TRAF6: variants seen among roughly 807,000 people sequenced by gnomAD.
TRAF6 encodes TNF receptor associated factor 6.
In TRAF6, 10 loss-of-function variants were observed where a neutral mutation model predicts 48.4. The ratio of observed to expected loss-of-function variants is 0.21; its 90% CI spans 0.13 to 0.35. TRAF6 has a LOEUF of 0.35. Among genes scored for constraint, TRAF6 ranks in the 10% least tolerant of loss-of-function variants. The pLI is 1.00. For missense variants in TRAF6, 397 were observed against 661.0 expected, an observed-to-expected ratio of 0.60 and a Z score of 4.38; for synonymous variants, 186 against 219.6, an observed-to-expected ratio of 0.85 and a Z score of 1.35.
intron 3 of TRAF6, 149 bp from the exon 4 acceptor site, chr11:36,497,415 C>A: frequency 1.5e-6 from 1 of 676,110 alleles, no homozygotes; most frequent in Non-Finnish European, 2.2e-6. Flanking sequence ...ATATGAACGT[C>A]TTTAGCGAAT....
chr11:36,503,691 C>T (rs1859748448), intron 1 of TRAF6, among the ~76,000 whole-genome samples: 1 of 152,116 alleles, frequency 6.6e-6, no homozygotes, highest in Admixed American at 6.5e-5. Context: ...TGAAAGGAAG[C>T]AAACAATGGC....
At chr11:36,502,672 C>T (rs1041617379) in intron 1 of TRAF6, among the ~76,000 whole-genome samples, 1 of 152,138 alleles carries the variant, frequency 6.6e-6, no homozygotes, top group Non-Finnish European at 1.5e-5. Flanking sequence ...CTGAGTAGCA[C>T]TTGATGACCG....
intron 1 of TRAF6, 126 bp from the exon 2 acceptor site, chr11:36,501,663 AT>A: frequency 1.5e-6 from 1 of 682,252 alleles, no homozygotes; most frequent in Non-Finnish European, 2.2e-6. Context: ...TATTAATGTT[AT>A]TTACAGAAAA....
chr11:36,508,319 T>A (rs1564971185), intron 1 of TRAF6, among the ~76,000 whole-genome samples: 2 of 151,924 alleles, frequency 1.3e-5, no homozygotes, highest in Admixed American at 6.6e-5. Context: ...ACCTTAAAGA[T>A]TGTGGAACGT....
At chr11:36,498,941 C>T (rs1859678624) in intron 2 of TRAF6, among the ~76,000 whole-genome samples, 1 of 152,086 alleles carries the variant, frequency 6.6e-6, no homozygotes, top group African/African-American at 2.4e-5. Context: ...TTGATTGGTA[C>T]AAAATGAAGT....
intron 2 of TRAF6, among the ~76,000 whole-genome samples, chr11:36,500,714 G>T (rs575559984): frequency 6.6e-6 from 1 of 152,144 alleles, no homozygotes; most frequent in South Asian, 2.1e-4. Flanking sequence ...ACTGGATTTT[G>T]GATATATTAT....
chr11:36,487,201 G>T lies in TRAF6; in HGVS notation c.*2637C>A, dbSNP rs747233571. The T allele has an allele frequency of 1.1e-4, 16 of 152,180 alleles. No homozygotes were observed. The highest frequency in any genetic ancestry group is 2.4e-4 in the Non-Finnish European group (16 of 68,028). 9.4% of individuals were successfully genotyped at this position (152,180 alleles called of 1,614,324 possible). ...AGAATGATGCCAAAAGATAAATATG[G>T]TAAAAGGTGGTTAGTAACATACAAC... is the stretch of plus-strand genomic sequence containing the variant. On this transcript the variant is annotated 3_prime_UTR_variant, in exon 7 of 7. Coordinates refer to ENST00000526995, the MANE Select transcript of TRAF6 (RefSeq NM_004620.4).
rs756803743 is a variant in TRAF6, at chr11:36,507,982, AGTAGCTG to A, written c.-23+2059_-23+2065del. Among the ~76,000 whole-genome samples the A allele has an allele frequency of 1.7e-4, 26 of 151,474 alleles. 1 individual carries two copies. Among genetic ancestry groups the A allele is most frequent in the Non-Finnish European group, 2.7e-4 (18 of 67,832 alleles). Reference sequence around the variant, plus strand: ...GTGATCCTCCCACCTCAGTCTCCCAAGTAGCTGGGACTACAGGTGTGTGCCACCAAGC... The same window carrying A: ...GTGATCCTCCCACCTCAGTCTCCCAAGGACTACAGGTGTGTGCCACCAAGC... On this transcript the variant is annotated intron_variant, in intron 1 of 6. Transcript: ENST00000526995.
At chr11:36,493,270 C>T (rs1344243694) in intron 5 of TRAF6, among the ~76,000 whole-genome samples, 2 of 152,138 alleles carry the variant, frequency 1.3e-5, no homozygotes, top group African/African-American at 4.8e-5. Flanking sequence ...CAAAGAGGTG[C>T]CAAATTCCCT....
chr11:36,494,452 C>T (rs960173062), intron 5 of TRAF6, among the ~76,000 whole-genome samples: 1 of 152,128 alleles, frequency 6.6e-6, no homozygotes, highest in African/African-American at 2.4e-5. Context: ...GCCTACAGGA[C>T]AACTGAACAG....
chr11:36,503,736 G>C (rs193295095), intron 1 of TRAF6, among the ~76,000 whole-genome samples: 1 of 152,180 alleles, frequency 6.6e-6, no homozygotes, highest in Non-Finnish European at 1.5e-5. Flanking sequence ...AGTCACTACA[G>C]CTGGGTCGTA....
intron 1 of TRAF6, among the ~76,000 whole-genome samples, chr11:36,508,437 C>CA (rs1859839046): frequency 6.6e-6 from 1 of 151,742 alleles, no homozygotes; most frequent in African/African-American, 2.4e-5. Context: ...ACATTATAAT[C>CA]AAAAGAGAAT....
intron 1 of TRAF6, among the ~76,000 whole-genome samples, chr11:36,505,861 G>C (rs907639175): frequency 3.3e-5 from 5 of 152,136 alleles, no homozygotes; most frequent in Non-Finnish European, 7.4e-5. Context: ...GAGAGGGACA[G>C]TAAGGGAACC....
rs1453088768 is a variant in TRAF6, at chr11:36,501,462, G to C, written c.54C>G (p.Asp18Glu). 6.2e-7 allele frequency: 1 copy of C among 1,614,042 alleles called. No homozygotes were observed. Among genetic ancestry groups the C allele is most frequent in the Non-Finnish European group, 8.5e-7 (1 of 1,179,968 alleles). ...NSCGSSQSESDCCVAMASSCS... is the reference protein window; with the variant it reads ...NSCGSSQSESECCVAMASSCS... ...AGGAGCTGGCCATGGCCACACAGCA[G>C]TCACTTTCAGACTGGCTGGATCCAC... The change falls in exon 2 of 7, where the codon GAC becomes GAG. Residue 18 changes from aspartate (D) to glutamate (E), a missense_variant. By Grantham distance (45) the Asp-to-Glu change is conservative. Transcript: ENST00000526995.
chr11:36,497,282 T>A lies in TRAF6; in HGVS notation c.448-16A>T, dbSNP rs753603115. 11 of 1,300,056 alleles carry A rather than the reference T, an allele frequency of 8.5e-6. No individual in the cohort carries two copies. The highest frequency in any genetic ancestry group is 7.3e-5 in the East Asian group (3 of 41,222). The allele number at this position is 1,300,056 out of a possible 1,614,324, so 80.5% of individuals were successfully genotyped here. A position where few individuals can be genotyped will look rare whatever the true frequency, so the allele number is the denominator to read the frequency against. The stretch of plus-strand genomic sequence containing the variant: ...CTTGATGATCCTATAATTAAAAAAA[T>A]AATGGATTAGCATTAGCCAACTCTG... On this transcript the variant is annotated splice_polypyrimidine_tract_variant and intron_variant, in intron 3 of 6. Coordinates refer to ENST00000526995, the MANE Select transcript of TRAF6 (RefSeq NM_004620.4).
At position 36,490,087 on chromosome 11, in the gene TRAF6, T is replaced by C. The variant is rs761307485; in HGVS notation, c.1320A>G (p.Ala440=). The part of the protein sequence containing the change: ...IRLTILDQSE[A]PVRQNHEEIM... ...TCTCTTCGTGGTTTTGCCTTACAGG[T>C]GCTTCAGACTGATCAAGAATTGTAA... Residue 440 remains alanine (A), a synonymous_variant, in exon 7 of 7, where the codon GCA becomes GCG. Coordinates refer to ENST00000526995, the MANE Select transcript of TRAF6 (RefSeq NM_004620.4). This position sits in a 1 kb window ranked among gnomAD's most constrained non-coding sequence, Gnocchi z 6.4. The C allele has an allele frequency of 6.2e-7, 1 of 1,614,100 alleles. No individual in the cohort carries two copies. Among genetic ancestry groups the C allele is most frequent in the African/African-American group, 1.3e-5 (1 of 74,932 alleles).
Position 36,490,751 on chromosome 11 carries a change from C to T in TRAF6, c.757-101G>A. 9.8e-7 allele frequency: 1 copy of T among 1,019,480 alleles called. No individual in the cohort carries two copies. Among genetic ancestry groups the T allele is most frequent in the South Asian group, 1.6e-5 (1 of 61,262 alleles). 63.2% of individuals were successfully genotyped at this position (1,019,480 alleles called of 1,614,324 possible). A position where few individuals can be genotyped will look rare whatever the true frequency, so the allele number is the denominator to read the frequency against. On this transcript the variant is annotated intron_variant, in intron 6 of 6. Transcript: ENST00000526995. This position sits in a 1 kb window ranked among gnomAD's most constrained non-coding sequence, Gnocchi z 6.4. ...AAGAAGTTTTCAAGTAGTCACACCACTTCCCTCAATTCTCTACAATTTTCC... is the reference window on the plus strand; with the variant it reads ...AAGAAGTTTTCAAGTAGTCACACCATTTCCCTCAATTCTCTACAATTTTCC...
In TRAF6 at chr11:36,489,442, TATA is replaced by T; in HGVS notation, c.*393_*395del. 1 of 187,666 alleles carries T rather than the reference TATA, an allele frequency of 5.3e-6. No individual in the cohort carries two copies. 11.6% of individuals were successfully genotyped at this position (187,666 alleles called of 1,614,324 possible). On this transcript the variant is annotated 3_prime_UTR_variant, in exon 7 of 7. Coordinates refer to ENST00000526995, the MANE Select transcript of TRAF6 (RefSeq NM_004620.4). Reference sequence around the variant, plus strand: ...TGATTTTCACTTTTAATATATTACATATAATACTACAAAAAGACTGAAGTTTTA... The same window carrying T: ...TGATTTTCACTTTTAATATATTACATATACTACAAAAAGACTGAAGTTTTA...
In TRAF6 at chr11:36,485,949, A is replaced by G. The variant is rs1344324673; in HGVS notation, c.*3889T>C. Among the ~76,000 whole-genome samples the G allele has an allele frequency of 6.6e-6, 1 of 152,186 alleles. No individual in the cohort carries two copies. The highest frequency in any genetic ancestry group is 1.5e-5 in the Non-Finnish European group (1 of 68,044). On this transcript the variant is annotated 3_prime_UTR_variant, in exon 7 of 7. Transcript: ENST00000526995. Reference sequence around the variant, plus strand: ...AAAAAGCACACTTCAAAATAAAAATATAAATGACTACTTATGGCTCCTTTT... The same window carrying G: ...AAAAAGCACACTTCAAAATAAAAATGTAAATGACTACTTATGGCTCCTTTT...
Sources: allele counts gnomAD v4.1 joint callset (sites outside exome capture counted in the v4.1 genomes callset), GRCh38; gene constraint gnomAD v4.1.1; non-coding constraint Gnocchi (gnomAD v3.1); transcripts MANE v1.5; gene names NCBI Gene and HGNC (gene_info 2026-07-23, HGNC 2026-07-21).